GRXCR1: variants seen among roughly 807,000 people sequenced by gnomAD.
GRXCR1 encodes the protein glutaredoxin domain-containing cysteine-rich protein 1.
A neutral mutation model predicts 27.3 loss-of-function variants in GRXCR1; 27 were observed. The ratio of observed to expected loss-of-function variants is 0.99; its 90% confidence interval spans 0.73 to 1.37. The LOEUF (loss-of-function observed/expected upper bound fraction) is 1.37. Ranked by LOEUF, GRXCR1 falls within the 40% of genes most tolerant of loss-of-function variation. GRXCR1 has a pLI of 0.00. For missense variants in GRXCR1, 379 were observed against 354.4 expected (o/e 1.07, Z -0.56); for synonymous variants, 122 against 131.1 (o/e 0.93, Z 0.47).
chr4:42,985,093 C>G (rs1577932297), intron 2 of GRXCR1, among the ~76,000 whole-genome samples: 1 of 152,214 alleles, frequency 6.6e-6, no homozygotes, highest in East Asian at 1.9e-4. Flanking sequence ...AATATAAACT[C>G]TTTCTTCTTA....
In GRXCR1 at chr4:42,961,564, C is replaced by G. The variant is rs1250227015; in HGVS notation, c.385-1328C>G. 2.6e-5 allele frequency among the ~76,000 whole-genome samples: 4 copies of G among 151,962 alleles called. No individual in the cohort carries two copies. The East Asian group carries it at 7.7e-4, about 29-fold the overall frequency. On this transcript the variant is annotated intron_variant, in intron 1 of 3. Coordinates refer to ENST00000399770, the MANE Select transcript of GRXCR1 (RefSeq NM_001080476.3). ...TTTAGATGCTATTCTTAGCATTTCC[C>G]TAGTATTTCTTTTACTCCTGACCTG...
intron 1 of GRXCR1, among the ~76,000 whole-genome samples, chr4:42,908,601 G>A (rs1425664103): frequency 1.3e-5 from 2 of 152,168 alleles, no homozygotes; most frequent in East Asian, 3.9e-4. Context: ...CTCAAAACAA[G>A]TAATCTTCTA....
intron 1 of GRXCR1, among the ~76,000 whole-genome samples, chr4:42,959,089 T>C (rs1384192138): frequency 2.6e-5 from 4 of 151,870 alleles, no homozygotes; most frequent in Non-Finnish European, 5.9e-5. Context: ...GGAAATGAAA[T>C]TACCAACTCT....
intron 1 of GRXCR1, among the ~76,000 whole-genome samples, chr4:42,895,962 G>C (rs151009845): frequency 6.1e-4 from 93 of 152,242 alleles, no homozygotes; most frequent in African/African-American, 2.1e-3. Context: ...GGAGGAAAAA[G>C]TGAGCAGTCG....
chr4:42,922,117 A>T (rs1747026105), intron 1 of GRXCR1, among the ~76,000 whole-genome samples: 1 of 152,174 alleles, frequency 6.6e-6, no homozygotes, highest in Non-Finnish European at 1.5e-5. Context: ...AAAGTATTAA[A>T]TAAAATATGT....
chr4:42,907,729 T>C (rs1746628539), intron 1 of GRXCR1, among the ~76,000 whole-genome samples: 1 of 152,184 alleles, frequency 6.6e-6, no homozygotes, highest in Non-Finnish European at 1.5e-5. Context: ...TTTTAGGCTA[T>C]CTAGATTACT....
rs148103635 is a variant in GRXCR1 at position 42,969,392 on chromosome 4, C to T, written c.627+6258C>T. On this transcript the variant is annotated intron_variant, in intron 2 of 3. Coordinates refer to ENST00000399770, the MANE Select transcript of GRXCR1 (RefSeq NM_001080476.3). ...TTATGAAGAAAAGAGGTTTAATTGA[C>T]TCACAGTCCTGCAGGCTTAACAGGA... Among the ~76,000 whole-genome samples the T allele has an allele frequency of 7.2e-5, 11 of 152,238 alleles. No individual in the cohort carries two copies. In the East Asian group the frequency reaches 2.1e-3, roughly 29 times the overall value.
intron 1 of GRXCR1, among the ~76,000 whole-genome samples, chr4:42,953,031 A>G (rs866599466): frequency 1.2e-4 from 19 of 152,152 alleles, no homozygotes; most frequent in African/African-American, 4.1e-4. Context: ...TAGGCATTCT[A>G]GTCTTACACA....
intron 1 of GRXCR1, among the ~76,000 whole-genome samples, chr4:42,933,668 T>C (rs1378022027): frequency 6.6e-6 from 1 of 151,852 alleles, no homozygotes; most frequent in Admixed American, 6.6e-5. Flanking sequence ...TGTGCCTTTA[T>C]AAAAGAGACC....
intron 3 of GRXCR1, among the ~76,000 whole-genome samples, chr4:43,025,908 A>G (rs1048383577): frequency 4.6e-5 from 7 of 151,472 alleles, no homozygotes; most frequent in East Asian, 1.9e-4. Context: ...CCAGGGAGGC[A>G]GAGCTTGCAG....
chr4:42,928,666 G>A (rs973440174), intron 1 of GRXCR1, among the ~76,000 whole-genome samples: 1 of 151,968 alleles, frequency 6.6e-6, no homozygotes, highest in African/African-American at 2.4e-5. Flanking sequence ...GTGCTCAGGA[G>A]GCAGAAGATA....
intron 2 of GRXCR1, among the ~76,000 whole-genome samples, chr4:42,974,621 G>T (rs1345955025): frequency 1.3e-5 from 2 of 152,008 alleles, no homozygotes; most frequent in Non-Finnish European, 2.9e-5. Context: ...AGTCCCTCTG[G>T]GCTGGATCAT....
intron 3 of GRXCR1, among the ~76,000 whole-genome samples, chr4:43,029,872 A>G (rs1486073023): frequency 6.6e-6 from 1 of 152,216 alleles, no homozygotes; most frequent in Non-Finnish European, 1.5e-5. Context: ...TTCTAAATGT[A>G]CAATATAATT....
intron 2 of GRXCR1, among the ~76,000 whole-genome samples, chr4:43,008,103 T>A (rs1215434623): frequency 6.6e-6 from 1 of 152,178 alleles, no homozygotes; most frequent in Non-Finnish European, 1.5e-5. Context: ...GAATAAAAAC[T>A]TTTTAACGTT....
intron 1 of GRXCR1, among the ~76,000 whole-genome samples, chr4:42,915,087 C>A (rs1746855818): frequency 6.6e-6 from 1 of 152,158 alleles, no homozygotes; most frequent in Non-Finnish European, 1.5e-5. Flanking sequence ...TGAGAATGAA[C>A]TAATACAATT....
intron 1 of GRXCR1, among the ~76,000 whole-genome samples, chr4:42,923,843 G>A (rs183177772): frequency 1.1e-4 from 16 of 152,106 alleles, no homozygotes; most frequent in Non-Finnish European, 2.2e-4. Flanking sequence ...CATAGCTTCC[G>A]GGGTGGTACT....
intron 2 of GRXCR1, among the ~76,000 whole-genome samples, chr4:42,975,233 C>T (rs962383073): frequency 4.6e-5 from 7 of 152,128 alleles, no homozygotes; most frequent in Non-Finnish European, 8.8e-5. Flanking sequence ...ATCTATAAGT[C>T]TACGATAGTC....
rs539746134 is a variant in GRXCR1 at position 42,943,741 on chromosome 4, C to A, written c.385-19151C>A. On this transcript the variant is annotated intron_variant, in intron 1 of 3. Transcript: ENST00000399770. ...ATATTTTTTCATCACCTGCTATGTGCCAGATATTGCCCTAGGTCAGTGGCT... is the reference window on the plus strand; with the variant it reads ...ATATTTTTTCATCACCTGCTATGTGACAGATATTGCCCTAGGTCAGTGGCT... 2.0e-5 allele frequency among the ~76,000 whole-genome samples: 3 copies of A among 152,106 alleles called. No individual in the cohort carries two copies. In the South Asian group the frequency reaches 6.2e-4, roughly 32 times the overall value.
intron 2 of GRXCR1, among the ~76,000 whole-genome samples, chr4:43,017,120 A>G (rs879391898): frequency 3.3e-5 from 5 of 152,160 alleles, no homozygotes; most frequent in Non-Finnish European, 5.9e-5. Flanking sequence ...TGCAATGCTG[A>G]GATTTATAAA....
Sources: allele counts gnomAD v4.1 joint callset (sites outside exome capture counted in the v4.1 genomes callset), GRCh38; gene constraint gnomAD v4.1.1; transcripts MANE v1.5; gene names NCBI Gene and HGNC (gene_info 2026-07-23, HGNC 2026-07-21).